The following RAB28 variants were observed in gnomAD, a reference collection of about 807,000 sequenced individuals.
The protein encoded by RAB28 is RAB28, member RAS oncogene family.
A neutral mutation model predicts 31.7 loss-of-function variants in RAB28; 24 were observed. That is an observed-to-expected ratio of 0.76 (90% CI 0.55 to 1.06). The LOEUF (loss-of-function observed/expected upper bound fraction) is 1.06, where lower values mean the gene tolerates loss of function less well. Among genes scored for constraint, RAB28 ranks in the 50% least tolerant of loss-of-function variants. The pLI, the probability that RAB28 is intolerant of heterozygous loss-of-function variation, is 0.00. For synonymous variants in RAB28, 100 were observed against 90.4 expected, an observed-to-expected ratio of 1.11 and a Z score of -0.60; for missense variants, 254 against 258.5, an observed-to-expected ratio of 0.98 and a Z score of 0.12.
chr4:13,395,542 T>A (rs1729839466), intron 4 of RAB28, among the ~76,000 whole-genome samples: 1 of 152,240 alleles, frequency 6.6e-6, no homozygotes, highest in Middle Eastern at 3.4e-3. Context: ...ACAATTACTT[T>A]TCTTTTTAGG....
At chr4:13,400,412 G>A (rs1711682596) in intron 4 of RAB28, among the ~76,000 whole-genome samples, 1 of 152,138 alleles carries the variant, frequency 6.6e-6, no homozygotes, top group Non-Finnish European at 1.5e-5. Context: ...AAATCAATCT[G>A]AAGAGAAGTG....
At chr4:13,449,477 A>G (rs1384282642) in intron 4 of RAB28, among the ~76,000 whole-genome samples, 1 of 152,002 alleles carries the variant, frequency 6.6e-6, no homozygotes. Flanking sequence ...TTTTACTAAT[A>G]CATTTTCACT....
At chr4:13,448,681 T>C (rs1362390514) in intron 4 of RAB28, among the ~76,000 whole-genome samples, 2 of 152,064 alleles carry the variant, frequency 1.3e-5, no homozygotes, top group African/African-American at 4.8e-5. Flanking sequence ...GAAGGCAAGC[T>C]TATGCATTTG....
intron 1 of RAB28, among the ~76,000 whole-genome samples, chr4:13,482,258 CAA>C (rs1716637693): frequency 6.6e-6 from 1 of 151,896 alleles, no homozygotes; most frequent in Non-Finnish European, 1.5e-5. Context: ...AAATTAGCAA[CAA>C]AGAGGAAACA....
At chr4:13,454,332 T>C (rs1311844480) in intron 4 of RAB28, among the ~76,000 whole-genome samples, 6 of 152,220 alleles carry the variant, frequency 3.9e-5, no homozygotes, top group Non-Finnish European at 8.8e-5. Flanking sequence ...GCATTTTGTA[T>C]ATTTCCTTAT....
chr4:13,449,091 CA>C (rs1488715759), intron 4 of RAB28, among the ~76,000 whole-genome samples: 2 of 151,882 alleles, frequency 1.3e-5, no homozygotes, highest in African/African-American at 4.8e-5. Flanking sequence ...ATGAACTTTT[CA>C]AATCCCCGAA....
At chr4:13,392,888 G>A (rs1375327978) in intron 4 of RAB28, among the ~76,000 whole-genome samples, 1 of 152,068 alleles carries the variant, frequency 6.6e-6, no homozygotes, top group African/African-American at 2.4e-5. Flanking sequence ...TCTATAAAAT[G>A]AAAACAATAA....
chr4:13,393,781 G>C (rs1013839932), intron 4 of RAB28, among the ~76,000 whole-genome samples: 4 of 137,790 alleles, frequency 2.9e-5, no homozygotes, highest in African/African-American at 1.1e-4. Flanking sequence ...CCTCCTGAAA[G>C]TTACTACAGT....
At chr4:13,372,052 TC>T (rs1728735251) in intron 6 of RAB28, among the ~76,000 whole-genome samples, 1 of 152,082 alleles carries the variant, frequency 6.6e-6, no homozygotes, top group Non-Finnish European at 1.5e-5. Context: ...CCATAGTTTG[TC>T]ATGGCCAGGA....
At position 13,376,497 on chromosome 4, in the gene RAB28, T is replaced by G. The variant is rs1244362916; in HGVS notation, c.573+48A>C. On this transcript the variant is annotated intron_variant, in intron 6 of 6. Transcript: ENST00000330852. ...GAATTTATGGGTGAAAATTAATGCC[T>G]TGTAAGAAATTCATTAATTTTTTAA... 21 of 1,390,660 alleles carry G rather than the reference T, an allele frequency of 1.5e-5. No homozygotes were observed. The South Asian group carries it at 2.5e-4, about 16-fold the overall frequency. The allele number at this position is 1,390,660 out of a possible 1,614,324, so 86.1% of individuals were successfully genotyped here. A position where few individuals can be genotyped will look rare whatever the true frequency, so the allele number is the denominator to read the frequency against.
intron 4 of RAB28, among the ~76,000 whole-genome samples, chr4:13,396,152 AT>A (rs1367670275): frequency 2.6e-5 from 4 of 152,070 alleles, no homozygotes; most frequent in Admixed American, 6.5e-5. Flanking sequence ...CTAGTAAAAA[AT>A]GTCACTGTCT....
intron 4 of RAB28, among the ~76,000 whole-genome samples, chr4:13,439,815 T>C (rs556623999): frequency 5.4e-4 from 83 of 152,300 alleles, no homozygotes; most frequent in African/African-American, 1.9e-3. Flanking sequence ...TGGGCTTCTG[T>C]TGAACCCATC....
chr4:13,400,364 A>G (rs1711680202), intron 4 of RAB28, among the ~76,000 whole-genome samples: 1 of 152,172 alleles, frequency 6.6e-6, no homozygotes, highest in African/African-American at 2.4e-5. Flanking sequence ...ACACACAAAT[A>G]CCATTTGGAG....
chr4:13,368,100 G>C lies in RAB28; in HGVS notation c.*458C>G. 2 of 981,368 alleles carry C rather than the reference G, an allele frequency of 2.0e-6. No homozygotes were observed. The highest frequency in any genetic ancestry group is 2.4e-6 in the Non-Finnish European group (2 of 826,328). 60.8% of individuals were successfully genotyped at this position (981,368 alleles called of 1,614,324 possible). On this transcript the variant is annotated 3_prime_UTR_variant, in exon 7 of 7. Coordinates refer to ENST00000330852, the MANE Select transcript of RAB28 (RefSeq NM_001017979.3). Reference sequence around the variant, plus strand: ...CGATAGCGAAAGAATGTCTTCATAAGTATCTGTAGGTAAAATATATTACTT... The same window carrying C: ...CGATAGCGAAAGAATGTCTTCATAACTATCTGTAGGTAAAATATATTACTT...
intron 4 of RAB28, among the ~76,000 whole-genome samples, chr4:13,393,777 G>A (rs1481135258): frequency 7.3e-6 from 1 of 137,106 alleles, no homozygotes; most frequent in East Asian, 2.2e-4. Context: ...TTTTCCTCCT[G>A]AAAGTTACTA....
chr4:13,425,272 T>C (rs924751444), intron 4 of RAB28, among the ~76,000 whole-genome samples: 1 of 152,216 alleles, frequency 6.6e-6, no homozygotes, highest in Non-Finnish European at 1.5e-5. Context: ...GTACCAAATG[T>C]AGTACTTTTA....
chr4:13,430,941 G>A (rs1262492283), intron 4 of RAB28, among the ~76,000 whole-genome samples: 1 of 152,198 alleles, frequency 6.6e-6, no homozygotes, highest in African/African-American at 2.4e-5. Context: ...ATGAAGAGAC[G>A]TGGAGAGAGG....
intron 6 of RAB28, chr4:13,371,760 G>GT (rs1480999473): frequency 1.9e-6 from 3 of 1,546,600 alleles, no homozygotes; most frequent in Non-Finnish European, 2.6e-6. Flanking sequence ...ATTTATTGAT[G>GT]TTTTTAGAGA....
intron 6 of RAB28, chr4:13,370,090 A>G: frequency 7.0e-7 from 1 of 1,429,424 alleles, no homozygotes; most frequent in East Asian, 2.5e-5. Context: ...TAAAATTAAC[A>G]TATAAATGTA....
Sources: gnomAD v4.1 joint callset for allele counts (sites outside exome capture counted in the v4.1 genomes callset) on GRCh38, gnomAD v4.1.1 for gene constraint, MANE v1.5 for transcripts, NCBI Gene and HGNC (gene_info 2026-07-23, HGNC 2026-07-21) for gene names.